NTM: variants seen among roughly 807,000 people sequenced by gnomAD.
The protein encoded by NTM is neurotrimin.
NTM carries 13 observed loss-of-function variants against 42.1 expected under a neutral mutation model. The observed-to-expected ratio is 0.31, with a 90% CI of 0.20 to 0.49. The LOEUF is 0.49. NTM is among the 20% of genes least tolerant of loss of function. The probability of loss-of-function intolerance (pLI) is 0.99; values close to 1 mark genes in which losing one functional copy is unlikely to be tolerated. For synonymous variants in NTM, 187 were observed against 179.2 expected (o/e 1.04, Z -0.35); for missense variants, 373 against 452.8 (o/e 0.82, Z 1.60).
At chr11:132,139,475 G>A (rs987212026) in intron 2 of NTM, among the ~76,000 whole-genome samples, 3 of 152,152 alleles carry the variant, frequency 2.0e-5, no homozygotes, top group African/African-American at 4.8e-5. Flanking sequence ...GAAAAGTCAC[G>A]GCCCACCAAA....
intron 1 of NTM, chr11:131,774,174 TTTTC>T: frequency 1.0e-6 from 1 of 953,518 alleles, no homozygotes; most frequent in East Asian, 1.2e-4. Flanking sequence ...CTCTAAGAGA[TTTTC>T]TTTATCTCCA....
chr11:131,926,225 G>T lies in NTM; in HGVS notation c.167+14577G>T, dbSNP rs113781304. ...CCCTGGCTGAGTAAACAGAGTGCCA[G>T]CTGCATTATTTTGTTACCTTCTTCA... is the stretch of plus-strand genomic sequence containing the variant. On this transcript the variant is annotated intron_variant, in intron 2 of 8. Coordinates refer to ENST00000683400, the MANE Select transcript of NTM (RefSeq NM_001352005.2). 1.9e-3 allele frequency among the ~76,000 whole-genome samples: 288 copies of T among 152,286 alleles called. 2 individuals are homozygous for T. Among genetic ancestry groups the T allele is most frequent in the African/African-American group, 6.6e-3 (274 of 41,548 alleles).
intron 1 of NTM, among the ~76,000 whole-genome samples, chr11:131,379,838 G>T (rs990126160): frequency 1.3e-5 from 2 of 152,144 alleles, no homozygotes; most frequent in African/African-American, 4.8e-5. Context: ...GAGTGCTGGT[G>T]GTTCTTCTCT....
intron 1 of NTM, among the ~76,000 whole-genome samples, chr11:131,850,683 T>C (rs2045425156): frequency 6.6e-6 from 1 of 152,114 alleles, no homozygotes; most frequent in South Asian, 2.1e-4. Context: ...GCAGCAGCAA[T>C]CAATGTTCAA....
intron 1 of NTM, among the ~76,000 whole-genome samples, chr11:131,881,372 C>T (rs2049458727): frequency 6.6e-6 from 1 of 152,012 alleles, no homozygotes; most frequent in Non-Finnish European, 1.5e-5. Context: ...GAGTTCCAGT[C>T]CCGGATTGGT....
At chr11:131,868,903 A>G (rs1217785163) in intron 1 of NTM, among the ~76,000 whole-genome samples, 1 of 152,140 alleles carries the variant, frequency 6.6e-6, no homozygotes, top group Non-Finnish European at 1.5e-5. Flanking sequence ...TGTCTTGAAG[A>G]GACTCACCAC....
intron 4 of NTM, among the ~76,000 whole-genome samples, chr11:132,258,352 T>G (rs2139490965): frequency 6.6e-6 from 1 of 152,320 alleles, no homozygotes; most frequent in Admixed American, 6.5e-5. Context: ...GAACATGCGT[T>G]AAATATATTG....
Position 131,598,682 on chromosome 11 carries a change from GT to G in NTM, c.82+227798del, listed in dbSNP as rs1254969611. Among the ~76,000 whole-genome samples, 787 of 118,734 alleles carry G rather than the reference GT, an allele frequency of 6.6e-3. 168 individuals are homozygous for G. The highest frequency in any genetic ancestry group is 0.013 in the Middle Eastern group (3 of 234). The allele number at this position is 118,734 out of a possible 152,430, so 77.9% of individuals were successfully genotyped here. A position where few individuals can be genotyped will look rare whatever the true frequency, so the allele number is the denominator to read the frequency against. On this transcript the variant is annotated intron_variant, in intron 1 of 8. Coordinates refer to ENST00000683400, the MANE Select transcript of NTM (RefSeq NM_001352005.2). Reference sequence around the variant, plus strand: ...GAGAACTACTACTCTCTTCTCATTTGTTTTCTTTCTTTCTTTCTTTCTTTCT... The same window carrying G: ...GAGAACTACTACTCTCTTCTCATTTGTTTCTTTCTTTCTTTCTTTCTTTCT...
intron 2 of NTM, among the ~76,000 whole-genome samples, chr11:132,078,532 G>A (rs2058647398): frequency 6.6e-6 from 1 of 152,174 alleles, no homozygotes; most frequent in Admixed American, 6.5e-5. Context: ...GAGAAGAAAT[G>A]GAGGGGAACT....
chr11:131,680,445 ATCTGTG>A (rs1409516099), intron 1 of NTM, among the ~76,000 whole-genome samples: 22 of 63,910 alleles, frequency 3.4e-4, no homozygotes, highest in Non-Finnish European at 5.0e-4. Flanking sequence ...GTGAGATCAT[ATCTGTG>A]TCTGTGTCTG....
intron 2 of NTM, among the ~76,000 whole-genome samples, chr11:131,954,882 A>T (rs2061403109): frequency 6.6e-6 from 1 of 152,150 alleles, no homozygotes; most frequent in East Asian, 1.9e-4. Context: ...TGTTTCATTA[A>T]ATATTTTATG....
intron 6 of NTM, among the ~76,000 whole-genome samples, chr11:132,313,210 A>C (rs2095329344): frequency 6.6e-6 from 1 of 152,080 alleles, no homozygotes; most frequent in Admixed American, 6.5e-5. Context: ...AGAGTCATCT[A>C]TGTCTAACTC....
intron 2 of NTM, among the ~76,000 whole-genome samples, chr11:131,998,055 T>C (rs1263790017): frequency 6.6e-6 from 1 of 152,024 alleles, no homozygotes; most frequent in African/African-American, 2.4e-5. Flanking sequence ...CCCTCCTCTT[T>C]CCTGGAGGCC....
intron 1 of NTM, among the ~76,000 whole-genome samples, chr11:131,879,183 A>G (rs1026770088): frequency 4.6e-5 from 7 of 152,106 alleles, no homozygotes; most frequent in African/African-American, 1.7e-4. Context: ...CAGGCTTCTC[A>G]TTCTGTAAAA....
intron 1 of NTM, among the ~76,000 whole-genome samples, chr11:131,495,810 C>G (rs529298320): frequency 6.6e-6 from 1 of 152,298 alleles, no homozygotes; most frequent in Non-Finnish European, 1.5e-5. Flanking sequence ...TGCTCTTGCT[C>G]CCAGCCAACC....
At chr11:131,948,384 A>ACAAAAG (rs1555189019) in intron 2 of NTM, among the ~76,000 whole-genome samples, 3 of 147,518 alleles carry the variant, frequency 2.0e-5, no homozygotes, top group Non-Finnish European at 4.4e-5. Flanking sequence ...AAAAAAACAA[A>ACAAAAG]AAAACAAAAA....
chr11:131,739,630 T>A (rs1400139909), intron 1 of NTM, among the ~76,000 whole-genome samples: 1 of 152,204 alleles, frequency 6.6e-6, no homozygotes, highest in Non-Finnish European at 1.5e-5. Flanking sequence ...GTTTTGGAAC[T>A]TGTCAGCCAT....
chr11:131,746,840 A>G (rs1215706453), intron 1 of NTM, among the ~76,000 whole-genome samples: 4 of 152,192 alleles, frequency 2.6e-5, no homozygotes, highest in Non-Finnish European at 5.9e-5. Context: ...AAATTATTAT[A>G]ACAATGAGTC....
chr11:131,432,039 A>T (rs1315824950), intron 1 of NTM, among the ~76,000 whole-genome samples: 1 of 152,226 alleles, frequency 6.6e-6, no homozygotes, highest in East Asian at 1.9e-4. Context: ...TGAGTGCAGG[A>T]GGTTTTGAAC....
Sources: allele counts gnomAD v4.1 joint callset (sites outside exome capture counted in the v4.1 genomes callset), GRCh38; gene constraint gnomAD v4.1.1; transcripts MANE v1.5; gene names NCBI Gene and HGNC (gene_info 2026-07-23, HGNC 2026-07-21).